The following COMMD10 variants were observed in gnomAD, a reference collection of about 807,000 sequenced individuals.
COMMD10 encodes COMM domain containing 10.
A neutral mutation model predicts 28.9 loss-of-function variants in COMMD10; 33 were observed. The ratio of observed to expected loss-of-function variants is 1.14; its 90% CI spans 0.87 to 1.53. The LOEUF (loss-of-function observed/expected upper bound fraction) is 1.53. COMMD10 is among the 40% of genes most tolerant of loss of function. The probability of loss-of-function intolerance (pLI) is 0.00; values close to 1 mark genes in which losing one functional copy is unlikely to be tolerated. For synonymous variants in COMMD10, 110 were observed against 81.7 expected (o/e 1.35, Z -1.87); for missense variants, 310 against 233.4 (o/e 1.33, Z -2.14).
intron 5 of COMMD10, among the ~76,000 whole-genome samples, chr5:116,235,908 C>CT (rs1749648426): frequency 6.6e-6 from 1 of 152,108 alleles, no homozygotes; most frequent in Non-Finnish European, 1.5e-5. Context: ...TTCTTCAAGT[C>CT]TGGTGGTTTT....
At chr5:116,125,133 A>G (rs186833792) in intron 4 of COMMD10, among the ~76,000 whole-genome samples, 1 of 152,240 alleles carries the variant, frequency 6.6e-6, no homozygotes, top group Non-Finnish European at 1.5e-5. Flanking sequence ...TAGTTGATGC[A>G]GTTTCTTCCT....
At chr5:116,110,338 C>A (rs989278114) in intron 4 of COMMD10, among the ~76,000 whole-genome samples, 1 of 151,932 alleles carries the variant, frequency 6.6e-6, no homozygotes, top group African/African-American at 2.4e-5. Context: ...TTTCTTTATT[C>A]GTTGTGTCCT....
chr5:116,096,438 C>A (rs897715382), intron 4 of COMMD10, among the ~76,000 whole-genome samples: 1 of 151,648 alleles, frequency 6.6e-6, no homozygotes, highest in Non-Finnish European at 1.5e-5. Context: ...CTATACTGAT[C>A]TCTATCCTGT....
intron 4 of COMMD10, among the ~76,000 whole-genome samples, chr5:116,132,364 C>G (rs2112770311): frequency 6.6e-6 from 1 of 152,184 alleles, no homozygotes; most frequent in South Asian, 2.1e-4. Context: ...AAGATTGTGG[C>G]TTAGCCACGG....
chr5:116,180,037 A>C (rs1163517006), intron 5 of COMMD10, among the ~76,000 whole-genome samples: 1 of 152,100 alleles, frequency 6.6e-6, no homozygotes, highest in East Asian at 1.9e-4. Context: ...GATATTAAAA[A>C]GATTATTACT....
intron 5 of COMMD10, among the ~76,000 whole-genome samples, chr5:116,287,795 A>G (rs1751257422): frequency 6.6e-6 from 1 of 151,666 alleles, no homozygotes; most frequent in Non-Finnish European, 1.5e-5. Context: ...ATAGTATTCT[A>G]TTTCAAACTG....
rs527996443 is a variant in COMMD10, at chr5:116,291,612, GT to G, written c.570+43del. 6,157 of 1,156,134 alleles carry G rather than the reference GT, an allele frequency of 5.3e-3. 29 individuals are homozygous for G. Among genetic ancestry groups the G allele is most frequent in the Non-Finnish European group, 6.7e-3 (5,391 of 805,502 alleles). 71.6% of individuals were successfully genotyped at this position (1,156,134 alleles called of 1,614,324 possible). A position where few individuals can be genotyped will look rare whatever the true frequency, so the allele number is the denominator to read the frequency against. ...TTAAAATAATTTTCTAATATGTGGA[GT>G]TTTTTTCATAATATTTTGTTTCATT... On this transcript the variant is annotated intron_variant, in intron 6 of 6. Coordinates refer to ENST00000274458, the MANE Select transcript of COMMD10 (RefSeq NM_016144.4).
chr5:116,212,049 C>A (rs1350036529), intron 5 of COMMD10, among the ~76,000 whole-genome samples: 1 of 152,124 alleles, frequency 6.6e-6, no homozygotes, highest in Admixed American at 6.6e-5. Context: ...GTGCCCTGTA[C>A]ACATCATACA....
chr5:116,148,741 T>C (rs915033419), intron 5 of COMMD10, among the ~76,000 whole-genome samples: 1 of 151,856 alleles, frequency 6.6e-6, no homozygotes, highest in Non-Finnish European at 1.5e-5. Context: ...TTGAAAACTT[T>C]TGTGTATCAA....
chr5:116,176,664 C>G (rs1753523722), intron 5 of COMMD10, among the ~76,000 whole-genome samples: 1 of 152,052 alleles, frequency 6.6e-6, no homozygotes, highest in African/African-American at 2.4e-5. Flanking sequence ...AGGTTGTACT[C>G]TTAATGGGTG....
intron 5 of COMMD10, among the ~76,000 whole-genome samples, chr5:116,175,010 C>T (rs1753456226): frequency 6.6e-6 from 1 of 151,994 alleles, no homozygotes; most frequent in African/African-American, 2.4e-5. Flanking sequence ...ATGTGGAGAA[C>T]CAGTTTGCTG....
chr5:116,210,760 A>G (rs1029265986), intron 5 of COMMD10, among the ~76,000 whole-genome samples: 2 of 152,100 alleles, frequency 1.3e-5, no homozygotes, highest in African/African-American at 4.8e-5. Context: ...TATTTACTAT[A>G]CGATCTTGTC....
chr5:116,110,224 C>T (rs80326206), intron 4 of COMMD10, among the ~76,000 whole-genome samples: 1 of 152,182 alleles, frequency 6.6e-6, no homozygotes, highest in Non-Finnish European at 1.5e-5. Flanking sequence ...CTAAAACCCA[C>T]TTGATTGTGG....
In COMMD10 at chr5:116,292,527, AC is replaced by A; in HGVS notation, c.*40del. The stretch of plus-strand genomic sequence containing the variant: ...CTGTTTTTTTCATCACGCTCCTGCC[AC>A]CTCATTATTTTGCATTGAAGATACA... On this transcript the variant is annotated 3_prime_UTR_variant, in exon 7 of 7. Coordinates refer to ENST00000274458, the MANE Select transcript of COMMD10 (RefSeq NM_016144.4). The A allele has an allele frequency of 6.5e-7, 1 of 1,543,876 alleles. No individual in the cohort carries two copies. The highest frequency in any genetic ancestry group is 1.9e-5 in the Admixed American group (1 of 53,680).
At chr5:116,239,614 A>G (rs1034118760) in intron 5 of COMMD10, among the ~76,000 whole-genome samples, 1 of 152,128 alleles carries the variant, frequency 6.6e-6, no homozygotes, top group African/African-American at 2.4e-5. Context: ...CATTTAGAAG[A>G]TTCATAAAGT....
chr5:116,285,366 C>A (rs1479579580), intron 5 of COMMD10, among the ~76,000 whole-genome samples: 1 of 151,882 alleles, frequency 6.6e-6, no homozygotes, highest in Non-Finnish European at 1.5e-5. Flanking sequence ...GGAGTTGGCC[C>A]TTGGCCTGCC....
intron 5 of COMMD10, chr5:116,218,129 C>A: frequency 7.8e-7 from 1 of 1,273,994 alleles, no homozygotes; most frequent in Non-Finnish European, 1.1e-6. Context: ...TTTTCCCTTT[C>A]TCCCTTTGGG....
At chr5:116,234,973 A>G (rs912295170) in intron 5 of COMMD10, among the ~76,000 whole-genome samples, 6 of 152,208 alleles carry the variant, frequency 3.9e-5, no homozygotes, top group African/African-American at 1.4e-4. Flanking sequence ...CATTTTACGG[A>G]AAACCTTCAC....
chr5:116,226,377 T>C (rs1034006529), intron 5 of COMMD10, among the ~76,000 whole-genome samples: 11 of 151,776 alleles, frequency 7.2e-5, no homozygotes, highest in African/African-American at 2.4e-4. Flanking sequence ...ACCTCAACTC[T>C]TCCAAATTTG....
Sources: allele counts gnomAD v4.1 joint callset (sites outside exome capture counted in the v4.1 genomes callset), GRCh38; gene constraint gnomAD v4.1.1; transcripts MANE v1.5; gene names NCBI Gene and HGNC (gene_info 2026-07-23, HGNC 2026-07-21).